The following DLGAP1 variants were observed in gnomAD, a reference collection of about 807,000 sequenced individuals.
DLGAP1 encodes disks large-associated protein 1.
Under a neutral mutation model 90.8 loss-of-function variants are expected in DLGAP1, and 11 were observed. The ratio of observed to expected loss-of-function variants is 0.12; its 90% CI spans 0.08 to 0.20. The LOEUF is 0.20. DLGAP1 is among the 10% of genes least tolerant of loss of function. The pLI is 1.00. For missense variants in DLGAP1, 1,050 were observed against 1,333.8 expected (o/e 0.79, Z 3.31); for synonymous variants, 558 against 540.7 (o/e 1.03, Z -0.44).
intron 2 of DLGAP1, among the ~76,000 whole-genome samples, chr18:4,096,668 G>T (rs542846780): frequency 4.6e-5 from 7 of 152,284 alleles, no homozygotes; most frequent in African/African-American, 1.7e-4. Context: ...TCTCAAGGGA[G>T]AATGGAGCCG....
intron 5 of DLGAP1, among the ~76,000 whole-genome samples, chr18:3,813,159 G>A (rs1234373539): frequency 6.6e-6 from 1 of 152,138 alleles, no homozygotes; most frequent in Non-Finnish European, 1.5e-5. Context: ...GTCATATGCT[G>A]CACAACGACA....
chr18:3,596,709 C>T (rs548062045), intron 7 of DLGAP1: 10 of 423,340 alleles, frequency 2.4e-5, no homozygotes, highest in Non-Finnish European at 4.2e-5. Flanking sequence ...TACATGAAGG[C>T]GTGAACAGGG....
At chr18:4,185,073 T>C (rs1445540286) in intron 1 of DLGAP1, among the ~76,000 whole-genome samples, 1 of 152,142 alleles carries the variant, frequency 6.6e-6, no homozygotes, top group African/African-American at 2.4e-5. Context: ...CATCTTTTTA[T>C]TCCCAGGGCC....
intron 7 of DLGAP1, among the ~76,000 whole-genome samples, chr18:3,668,501 G>A (rs2059960316): frequency 6.6e-6 from 1 of 151,988 alleles, no homozygotes. Context: ...GCAAATTTTT[G>A]TAGAGATGGG....
chr18:3,764,588 C>T (rs1367429124), intron 5 of DLGAP1, among the ~76,000 whole-genome samples: 1 of 152,182 alleles, frequency 6.6e-6, no homozygotes, highest in East Asian at 1.9e-4. Context: ...TACATCTATG[C>T]TGTTTTCCCA....
intron 3 of DLGAP1, among the ~76,000 whole-genome samples, chr18:3,903,103 G>A (rs946811663): frequency 6.6e-6 from 1 of 152,154 alleles, no homozygotes; most frequent in Non-Finnish European, 1.5e-5. Context: ...CTCTTGGAAG[G>A]CAAGAACCAG....
chr18:3,959,669 AAAAGAAAG>A (rs35192992), intron 3 of DLGAP1, among the ~76,000 whole-genome samples: 11 of 149,206 alleles, frequency 7.4e-5, no homozygotes, highest in Non-Finnish European at 3.0e-5. Context: ...GTCTCAAAAA[AAAAGAAAG>A]AAAGAAAGAA....
intron 1 of DLGAP1, among the ~76,000 whole-genome samples, chr18:4,322,277 T>C (rs1202178424): frequency 6.6e-6 from 1 of 152,098 alleles, no homozygotes; most frequent in Admixed American, 6.6e-5. Flanking sequence ...AGCATAGTAC[T>C]GGCATAAGAA....
intron 1 of DLGAP1, among the ~76,000 whole-genome samples, chr18:4,281,496 G>A (rs1312031932): frequency 1.3e-5 from 2 of 152,204 alleles, no homozygotes; most frequent in African/African-American, 4.8e-5. Context: ...AGAGGTTGCA[G>A]TGAACGGAGA....
chr18:3,705,754 G>A (rs1205304285), intron 7 of DLGAP1, among the ~76,000 whole-genome samples: 4 of 151,508 alleles, frequency 2.6e-5, no homozygotes, highest in African/African-American at 9.7e-5. Context: ...TGCCTCCTGG[G>A]TTCAAGTGAT....
chr18:4,227,275 C>T (rs1454618526), intron 1 of DLGAP1, among the ~76,000 whole-genome samples: 1 of 151,954 alleles, frequency 6.6e-6, no homozygotes, highest in Admixed American at 6.6e-5. Context: ...TAGCACCCCA[C>T]TTTCAGCCTT....
At chr18:3,841,430 C>A (rs1429017176) in intron 4 of DLGAP1, among the ~76,000 whole-genome samples, 3 of 152,108 alleles carry the variant, frequency 2.0e-5, no homozygotes, top group African/African-American at 7.2e-5. Flanking sequence ...TATTGGAGAT[C>A]AGAAGGCAAA....
At chr18:3,551,722 C>CCTACCTTCCTTCCTT (rs2053473196) in intron 9 of DLGAP1, among the ~76,000 whole-genome samples, 2 of 12,534 alleles carry the variant, frequency 1.6e-4, no homozygotes, top group African/African-American at 7.8e-4. Flanking sequence ...CTCCCTCCCT[C>CCTACCTTCCTTCCTT]CCTTCCTTCC....
chr18:3,992,830 A>C (rs2149055279), intron 3 of DLGAP1, among the ~76,000 whole-genome samples: 1 of 152,306 alleles, frequency 6.6e-6, no homozygotes, highest in Non-Finnish European at 1.5e-5. Flanking sequence ...TTATTTGGCT[A>C]ATAGGGGGTC....
At chr18:4,203,127 T>C (rs1320903524) in intron 1 of DLGAP1, among the ~76,000 whole-genome samples, 1 of 151,970 alleles carries the variant, frequency 6.6e-6, no homozygotes, top group Non-Finnish European at 1.5e-5. Flanking sequence ...TACAAAAAAT[T>C]AGCTGGGCGT....
At chr18:4,421,425 C>T (rs1020671661) in intron 1 of DLGAP1, among the ~76,000 whole-genome samples, 1 of 152,288 alleles carries the variant, frequency 6.6e-6, no homozygotes, top group East Asian at 1.9e-4. Context: ...TTAATCACAT[C>T]TTTGCCATAT....
intron 5 of DLGAP1, among the ~76,000 whole-genome samples, chr18:3,743,673 CAG>C (rs1268031527): frequency 1.4e-4 from 21 of 151,116 alleles, no homozygotes; most frequent in Admixed American, 1.2e-3. Context: ...ATTTTTGAGA[CAG>C]AGTCTTGCTC....
intron 2 of DLGAP1, among the ~76,000 whole-genome samples, chr18:4,129,025 GT>G (rs1015763609): frequency 1.3e-5 from 2 of 152,060 alleles, no homozygotes; most frequent in Admixed American, 6.6e-5. Flanking sequence ...GTGAACAGAA[GT>G]TTTTTTGGTT....
chr18:3,651,727 C>T (rs926001643), intron 7 of DLGAP1, among the ~76,000 whole-genome samples: 1 of 152,070 alleles, frequency 6.6e-6, no homozygotes, highest in African/African-American at 2.4e-5. Context: ...AATCCCAGCA[C>T]TTTGGGAGGC....
Sources: gnomAD v4.1 joint callset for allele counts (sites outside exome capture counted in the v4.1 genomes callset) on GRCh38, gnomAD v4.1.1 for gene constraint, MANE v1.5 for transcripts, NCBI Gene and HGNC (gene_info 2026-07-23, HGNC 2026-07-21) for gene names.